The following USP34 variants were observed in gnomAD, a reference collection of about 807,000 sequenced individuals.
The protein encoded by USP34 is ubiquitin carboxyl-terminal hydrolase 34.
A neutral mutation model predicts 460.3 loss-of-function variants in USP34; 70 were observed. The ratio of observed to expected loss-of-function variants is 0.15; its 90% CI spans 0.13 to 0.19. The LOEUF (loss-of-function observed/expected upper bound fraction) is 0.19. USP34 is among the 10% of genes least tolerant of loss of function. The probability of loss-of-function intolerance (pLI) is 1.00; values close to 1 mark genes in which losing one functional copy is unlikely to be tolerated. For missense variants in USP34, 3,985 were observed against 4,236.2 expected (o/e 0.94, Z 1.65); for synonymous variants, 1,647 against 1,405.3 (o/e 1.17, Z -3.85).
Position 61,348,248 on chromosome 2 carries a change from C to T in USP34, c.1907G>A (p.Ser636Asn). The change falls in exon 15 of 80, where the codon AGC becomes AAC. Residue 636 changes from serine (S) to asparagine (N), a missense_variant. Ser to Asn is a conservative substitution (Grantham distance 46). Coordinates refer to ENST00000398571, the MANE Select transcript of USP34 (RefSeq NM_014709.4). Reference protein sequence around the residue: ...DDDHGHNPPKSSCGTDLRNRK... With the variant: ...DDDHGHNPPKNSCGTDLRNRK... ...ATTCCGAAGATCTGTACCACAACTG[C>T]TTTTGGGAGGATTATGACCATGATC... 14 of 1,614,214 alleles carry T rather than the reference C, an allele frequency of 8.7e-6. No homozygotes were observed. The highest frequency in any genetic ancestry group is 1.2e-5 in the Non-Finnish European group (14 of 1,180,020).
rs146945624 is a variant in USP34, at chr2:61,326,225, G to T, written c.2931-768C>A. On this transcript the variant is annotated intron_variant, in intron 20 of 79. Coordinates refer to ENST00000398571, the MANE Select transcript of USP34 (RefSeq NM_014709.4). Reference sequence around the variant, plus strand: ...AAATTTGTGTATTTGGGGCTGGAAGGGGGGCAGAGTCTCACTCTGTTGTCT... The same window carrying T: ...AAATTTGTGTATTTGGGGCTGGAAGTGGGGCAGAGTCTCACTCTGTTGTCT... 5.1e-3 allele frequency among the ~76,000 whole-genome samples: 783 copies of T among 152,080 alleles called. 5 individuals carry two copies. The highest frequency in any genetic ancestry group is 0.018 in the African/African-American group (761 of 41,482).
intron 2 of USP34, among the ~76,000 whole-genome samples, chr2:61,412,969 T>C (rs1361918321): frequency 3.4e-5 from 5 of 147,730 alleles, no homozygotes; most frequent in African/African-American, 1.2e-4. Flanking sequence ...TTCCAAGAAG[T>C]GAGAGCAATA....
At chr2:61,279,472 A>C (rs1162490775) in intron 39 of USP34, among the ~76,000 whole-genome samples, 3 of 152,094 alleles carry the variant, frequency 2.0e-5, no homozygotes. Flanking sequence ...TTTGAAATTT[A>C]CTTTTTTTTT....
At chr2:61,448,140 T>C (rs1375678058) in intron 1 of USP34, among the ~76,000 whole-genome samples, 2 of 152,246 alleles carry the variant, frequency 1.3e-5, no homozygotes, top group African/African-American at 2.4e-5. Context: ...GTTTTATCCA[T>C]GACACTTTTG....
intron 18 of USP34, among the ~76,000 whole-genome samples, chr2:61,338,794 T>C (rs1300681574): frequency 6.6e-6 from 1 of 151,998 alleles, no homozygotes; most frequent in Admixed American, 6.6e-5. Flanking sequence ...ACTAATCTGT[T>C]TAAAAACAAA....
chr2:61,257,810 G>A (rs190142192), intron 44 of USP34, among the ~76,000 whole-genome samples: 2 of 152,278 alleles, frequency 1.3e-5, no homozygotes, highest in Non-Finnish European at 2.9e-5. Context: ...AGGAGGCAGA[G>A]GTTGCAGTGA....
At chr2:61,468,913 G>C (rs1423231540) in intron 1 of USP34, among the ~76,000 whole-genome samples, 1 of 152,092 alleles carries the variant, frequency 6.6e-6, no homozygotes, top group Non-Finnish European at 1.5e-5. Context: ...CCAAGTTTAA[G>C]ATATTTTAAA....
At chr2:61,210,386 A>G (rs1439172594) in intron 69 of USP34, among the ~76,000 whole-genome samples, 1 of 152,218 alleles carries the variant, frequency 6.6e-6, no homozygotes, top group East Asian at 1.9e-4. Context: ...ATAATTGCCT[A>G]CAGTATTCAG....
At chr2:61,349,348 G>C (rs903017027) in intron 12 of USP34, 63 bp from the exon 13 acceptor site, 5 of 1,522,620 alleles carry the variant, frequency 3.3e-6, no homozygotes, top group South Asian at 1.2e-5. Context: ...TTGAGACAGC[G>C]TATCAGTTGT....
intron 10 of USP34, among the ~76,000 whole-genome samples, chr2:61,364,290 A>G (rs372698611): frequency 2.6e-5 from 4 of 152,172 alleles, no homozygotes; most frequent in South Asian, 2.1e-4. Context: ...TGAGCCCAGG[A>G]GTTTTGAGGC....
intron 16 of USP34, among the ~76,000 whole-genome samples, chr2:61,342,212 G>C (rs1305602398): frequency 6.6e-6 from 1 of 151,384 alleles, no homozygotes; most frequent in African/African-American, 2.4e-5. Context: ...CATTTCAATA[G>C]GTATGTAGTA....
intron 30 of USP34, 150 bp from the exon 31 acceptor site, chr2:61,295,440 G>A: frequency 1.3e-6 from 1 of 795,164 alleles, no homozygotes; most frequent in Non-Finnish European, 1.7e-6. Context: ...TATATAACTG[G>A]CACAAATGGT....
rs776931841 is a variant in USP34, at chr2:61,340,025, A to G, written c.2501-344T>C. On this transcript the variant is annotated intron_variant, in intron 16 of 79. Coordinates refer to ENST00000398571, the MANE Select transcript of USP34 (RefSeq NM_014709.4). ...AGTGCCATTTAGATTTGATAAGGCT[A>G]AAGTGAAATCGTTTCCTTTCTACAG... 5.3e-5 allele frequency among the ~76,000 whole-genome samples: 8 copies of G among 152,288 alleles called. No homozygotes were observed. In the East Asian group the frequency reaches 1.5e-3, roughly 29 times the overall value.
intron 44 of USP34, among the ~76,000 whole-genome samples, chr2:61,257,772 T>C (rs969518933): frequency 2.0e-5 from 3 of 151,970 alleles, no homozygotes; most frequent in African/African-American, 4.8e-5. Context: ...CTGGGTGCGG[T>C]TGCGCATGCC....
At chr2:61,340,994 A>C (rs1013471718) in intron 16 of USP34, among the ~76,000 whole-genome samples, 4 of 152,046 alleles carry the variant, frequency 2.6e-5, no homozygotes, top group African/African-American at 9.7e-5. Flanking sequence ...CTTTACAATC[A>C]GTCCCCACCC....
intron 1 of USP34, among the ~76,000 whole-genome samples, chr2:61,455,748 T>C (rs760245533): frequency 2.6e-5 from 4 of 152,258 alleles, no homozygotes; most frequent in Non-Finnish European, 4.4e-5. Context: ...ATTTTTATTT[T>C]TCATGCTGTT....
intron 41 of USP34, among the ~76,000 whole-genome samples, chr2:61,274,520 G>A (rs1183476311): frequency 6.6e-6 from 1 of 150,802 alleles, no homozygotes; most frequent in Non-Finnish European, 1.5e-5. Context: ...AATTAGTTAA[G>A]GACTATAACA....
chr2:61,449,382 T>C (rs1305800664), intron 1 of USP34, among the ~76,000 whole-genome samples: 3 of 152,008 alleles, frequency 2.0e-5, no homozygotes, highest in Non-Finnish European at 2.9e-5. Flanking sequence ...GTAATAATCC[T>C]CAACTTGATA....
intron 3 of USP34, among the ~76,000 whole-genome samples, chr2:61,396,690 G>C (rs946107640): frequency 6.6e-6 from 1 of 151,848 alleles, no homozygotes; most frequent in Non-Finnish European, 1.5e-5. Context: ...GGGTTTCACC[G>C]TGTTAGCCAG....
Sources: gnomAD v4.1 joint callset for allele counts (sites outside exome capture counted in the v4.1 genomes callset) on GRCh38, gnomAD v4.1.1 for gene constraint, MANE v1.5 for transcripts, NCBI Gene and HGNC (gene_info 2026-07-23, HGNC 2026-07-21) for gene names.